The following ETV1 variants were observed in gnomAD, a reference collection of about 807,000 sequenced individuals.
ETV1 encodes ETS variant transcription factor 1.
ETV1 carries 27 observed loss-of-function variants against 62.3 expected under a neutral mutation model. The ratio of observed to expected loss-of-function variants is 0.43; its 90% CI spans 0.32 to 0.60. ETV1 has a LOEUF of 0.60. Ranked by LOEUF, ETV1 falls within the 20% of genes least tolerant of loss-of-function variation. The pLI is 0.06. For missense variants in ETV1, 605 were observed against 605.8 expected (o/e 1.00, Z 0.01); for synonymous variants, 222 against 199.6 (o/e 1.11, Z -0.94).
In ETV1 at chr7:13,956,795, G is replaced by A. The variant is rs139236667; in HGVS notation, c.236-17549C>T. Among the ~76,000 whole-genome samples, 137 of 152,218 alleles carry A rather than the reference G, an allele frequency of 9.0e-4. 1 individual carries two copies. The East Asian group carries it at 0.019, about 21-fold the overall frequency. Reference sequence around the variant, plus strand: ...TGTTATACATAATATACAGTATACAGAGGCACTACATAGGAAACAAACTCT... The same window carrying A: ...TGTTATACATAATATACAGTATACAAAGGCACTACATAGGAAACAAACTCT... On this transcript the variant is annotated intron_variant, in intron 6 of 13. Coordinates refer to ENST00000430479, the MANE Select transcript of ETV1 (RefSeq NM_004956.5).
chr7:13,906,911 T>C (rs1396819339), intron 11 of ETV1, among the ~76,000 whole-genome samples: 2 of 152,096 alleles, frequency 1.3e-5, no homozygotes, highest in Non-Finnish European at 2.9e-5. Flanking sequence ...ATTGATTTCT[T>C]TAAAAACCAT....
At chr7:13,958,814 G>C (rs1051961345) in intron 6 of ETV1, 2 of 152,156 alleles carry the variant, frequency 1.3e-5, no homozygotes, top group African/African-American at 4.8e-5. Flanking sequence ...ATGAAGATTG[G>C]CTGCATTAAG....
At chr7:13,946,396 A>T (rs931504694) in intron 6 of ETV1, among the ~76,000 whole-genome samples, 2 of 152,190 alleles carry the variant, frequency 1.3e-5, no homozygotes, top group African/African-American at 4.8e-5. Flanking sequence ...AGTTCTTCTA[A>T]TGGTTAAATT....
chr7:13,903,777 A>T (rs2128410788), intron 12 of ETV1, among the ~76,000 whole-genome samples: 1 of 152,054 alleles, frequency 6.6e-6, no homozygotes, highest in South Asian at 2.1e-4. Context: ...AAAAAAAAAA[A>T]AAAAAATTGT....
At chr7:13,966,548 A>G (rs11972153) in intron 6 of ETV1, among the ~76,000 whole-genome samples, 1,605 of 152,174 alleles carry the variant, frequency 0.011, 38 homozygotes, top group African/African-American at 0.037. Context: ...ATCTGAGCCC[A>G]GGAGATTGAG....
intron 6 of ETV1, among the ~76,000 whole-genome samples, chr7:13,954,261 T>G (rs548441099): frequency 7.9e-5 from 12 of 152,212 alleles, no homozygotes; most frequent in Non-Finnish European, 1.5e-4. Context: ...CTTGCTTAAA[T>G]GAATTTATTA....
At chr7:13,911,562 A>T (rs1212543426) in intron 9 of ETV1, among the ~76,000 whole-genome samples, 3 of 152,188 alleles carry the variant, frequency 2.0e-5, no homozygotes, top group African/African-American at 7.2e-5. Context: ...CCTTGCTAAA[A>T]GTCAGCTCAA....
rs1327284264 is a variant in ETV1, at chr7:13,936,556, C to G, written c.366-660G>C. 2.6e-5 allele frequency among the ~76,000 whole-genome samples: 4 copies of G among 152,250 alleles called. No individual in the cohort carries two copies. In the East Asian group the frequency reaches 7.7e-4, roughly 29 times the overall value. On this transcript the variant is annotated intron_variant, in intron 7 of 13. Coordinates refer to ENST00000430479, the MANE Select transcript of ETV1 (RefSeq NM_004956.5). The stretch of plus-strand genomic sequence containing the variant: ...ATTAGGAATAAAATCCTATTATAGT[C>G]TAACTTCTAAACACAGTTACAGAAG...
intron 10 of ETV1, among the ~76,000 whole-genome samples, chr7:13,910,308 T>C (rs1175177441): frequency 6.7e-6 from 1 of 149,162 alleles, no homozygotes; most frequent in Admixed American, 6.8e-5. Context: ...CATAATAATG[T>C]CCTCTCTCAA....
chr7:13,904,641 T>C (rs1348142157), intron 12 of ETV1, among the ~76,000 whole-genome samples: 2 of 152,088 alleles, frequency 1.3e-5, no homozygotes, highest in African/African-American at 4.8e-5. Context: ...CTCTGCTCAG[T>C]TCATTTTAAT....
intron 9 of ETV1, among the ~76,000 whole-genome samples, chr7:13,926,431 A>G (rs752323370): frequency 9.2e-5 from 14 of 152,204 alleles, no homozygotes; most frequent in Non-Finnish European, 1.2e-4. Flanking sequence ...CATCTAAAAT[A>G]TTTGCGTCAC....
intron 4 of ETV1, 184 bp from the exon 5 acceptor site, chr7:13,986,869 A>G (rs187634525): frequency 3.7e-5 from 20 of 544,316 alleles, no homozygotes; most frequent in Non-Finnish European, 5.8e-5. Context: ...TTTCATGCCT[A>G]TTAAGCAACT....
chr7:13,924,419 T>C (rs1427318264), intron 9 of ETV1, among the ~76,000 whole-genome samples: 4 of 152,220 alleles, frequency 2.6e-5, no homozygotes, highest in African/African-American at 9.6e-5. Context: ...ATGCTCGTGG[T>C]ATATTTTTTA....
At chr7:13,915,523 T>G (rs1237948214) in intron 9 of ETV1, among the ~76,000 whole-genome samples, 7 of 152,222 alleles carry the variant, frequency 4.6e-5, no homozygotes, top group Admixed American at 4.6e-4. Flanking sequence ...CTAGATTTTT[T>G]GTTTGCTTAC....
At chr7:13,989,682 G>A (rs961738405), upstream of ETV1, 19 of 398,604 alleles carry the variant, frequency 4.8e-5, no homozygotes, top group Non-Finnish European at 8.4e-5. Flanking sequence ...AGCTCAATTC[G>A]GTGGTTTTTC....
At chr7:13,917,702 C>T (rs1303495305) in intron 9 of ETV1, among the ~76,000 whole-genome samples, 1 of 151,876 alleles carries the variant, frequency 6.6e-6, no homozygotes, top group Non-Finnish European at 1.5e-5. Flanking sequence ...CGGTGGCTCA[C>T]GCCTGTAATC....
chr7:13,975,488 G>A (rs1039540010), intron 6 of ETV1, among the ~76,000 whole-genome samples: 7 of 151,090 alleles, frequency 4.6e-5, no homozygotes, highest in Non-Finnish European at 8.9e-5. Context: ...GTGTGAACCC[G>A]GGAGGTGGAG....
At chr7:13,932,813 G>T (rs1326296696) in intron 8 of ETV1, among the ~76,000 whole-genome samples, 2 of 152,144 alleles carry the variant, frequency 1.3e-5, no homozygotes, top group Non-Finnish European at 2.9e-5. Flanking sequence ...GCATTCCTGA[G>T]ACTTTAATTT....
chr7:13,896,168 G>A, intron 13 of ETV1, 81 bp from the exon 14 acceptor site: 1 of 1,170,578 alleles, frequency 8.5e-7, no homozygotes, highest in Non-Finnish European at 1.2e-6. Context: ...CCAAAAACGT[G>A]GTTTAATATA....
Sources: gnomAD v4.1 joint callset for allele counts (sites outside exome capture counted in the v4.1 genomes callset) on GRCh38, gnomAD v4.1.1 for gene constraint, MANE v1.5 for transcripts, NCBI Gene and HGNC (gene_info 2026-07-23, HGNC 2026-07-21) for gene names.